The following DCC variants were observed in gnomAD, a reference collection of about 807,000 sequenced individuals.
DCC encodes the protein DCC netrin 1 receptor, also known as netrin receptor DCC.
DCC carries 58 observed loss-of-function variants against 172.5 expected under a neutral mutation model. The observed-to-expected ratio is 0.34, with a 90% CI of 0.27 to 0.42. DCC has a LOEUF of 0.42. DCC is among the 10% of genes least tolerant of loss of function. The pLI is 1.00. For missense variants in DCC, 1,740 were observed against 1,791.0 expected, an observed-to-expected ratio of 0.97 and a Z score of 0.51; for synonymous variants, 709 against 644.5, an observed-to-expected ratio of 1.10 and a Z score of -1.52.
chr18:52,421,987 T>C (rs890357348), intron 1 of DCC, among the ~76,000 whole-genome samples: 3 of 152,188 alleles, frequency 2.0e-5, no homozygotes, highest in Admixed American at 1.3e-4. Context: ...TTCTGAAGTA[T>C]CTTCTTCTCA....
intron 5 of DCC, among the ~76,000 whole-genome samples, chr18:53,047,238 A>G (rs1407031067): frequency 1.9e-4 from 1 of 5,262 alleles, no homozygotes; most frequent in Non-Finnish European, 4.8e-4. Context: ...CAGGTAGGAT[A>G]TATATATATA....
At chr18:52,928,461 A>C (rs143155579) in intron 5 of DCC, among the ~76,000 whole-genome samples, 25 of 152,330 alleles carry the variant, frequency 1.6e-4, no homozygotes, top group Non-Finnish European at 2.9e-4. Flanking sequence ...TTGACAACAT[A>C]AATTAACGTA....
In DCC at chr18:52,481,122, C is replaced by T. The variant is rs901699866; in HGVS notation, c.91+140244C>T. Among the ~76,000 whole-genome samples the T allele has an allele frequency of 2.0e-5, 3 of 152,248 alleles. No individual in the cohort carries two copies. The South Asian group carries it at 6.2e-4, about 32-fold the overall frequency. ...GGCACAACTAAAGAAAGCAAACATA[C>T]TTATTGAGGTTTAAATATTTTACTT... On this transcript the variant is annotated intron_variant, in intron 1 of 28. Transcript: ENST00000442544.
intron 5 of DCC, among the ~76,000 whole-genome samples, chr18:52,929,310 C>T (rs1184926303): frequency 6.6e-6 from 1 of 152,030 alleles, no homozygotes; most frequent in African/African-American, 2.4e-5. Flanking sequence ...TACTGTCTGC[C>T]CTGTCTGCTC....
intron 11 of DCC, among the ~76,000 whole-genome samples, chr18:53,211,433 T>G (rs972372666): frequency 6.6e-6 from 1 of 152,128 alleles, no homozygotes; most frequent in East Asian, 1.9e-4. Context: ...TAATTAAATA[T>G]GAATTACTGG....
At position 53,462,685 on chromosome 18, in the gene DCC, G is replaced by T. The variant is rs189273894; in HGVS notation, c.3619+3227G>T. On this transcript the variant is annotated intron_variant, in intron 24 of 28. Coordinates refer to ENST00000442544, the MANE Select transcript of DCC (RefSeq NM_005215.4). ...TGAAAAAATTTTCTTCCATGAAACTGGTCCGTGGTGCCAAAAAGGTTGGGA... is the reference window on the plus strand; with the variant it reads ...TGAAAAAATTTTCTTCCATGAAACTTGTCCGTGGTGCCAAAAAGGTTGGGA... 6.2e-4 allele frequency among the ~76,000 whole-genome samples: 94 copies of T among 152,180 alleles called. 2 individuals are homozygous for T. Among genetic ancestry groups the T allele is most frequent in the Admixed American group, 5.6e-3 (86 of 15,270 alleles).
chr18:53,102,896 T>A (rs1227860459), intron 7 of DCC, among the ~76,000 whole-genome samples: 4 of 152,242 alleles, frequency 2.6e-5, no homozygotes, highest in Non-Finnish European at 5.9e-5. Flanking sequence ...CACCCCCAAG[T>A]TATCAGTGTA....
intron 10 of DCC, among the ~76,000 whole-genome samples, chr18:53,207,027 AC>A (rs1365461469): frequency 2.3e-5 from 3 of 130,244 alleles, no homozygotes; most frequent in Non-Finnish European, 3.7e-5. Context: ...TGTTTTTTCA[AC>A]TTTCTGTTTT....
intron 15 of DCC, among the ~76,000 whole-genome samples, chr18:53,376,752 A>G (rs1355344489): frequency 2.0e-5 from 3 of 152,172 alleles, no homozygotes; most frequent in Non-Finnish European, 1.5e-5. Flanking sequence ...TCTTCCCTAT[A>G]TCAAATATGA....
At chr18:53,105,333 A>G (rs546591923) in intron 7 of DCC, among the ~76,000 whole-genome samples, 1 of 152,068 alleles carries the variant, frequency 6.6e-6, no homozygotes, top group Admixed American at 6.6e-5. Flanking sequence ...AAAATGTACA[A>G]GGGCCACAAG....
intron 2 of DCC, among the ~76,000 whole-genome samples, chr18:52,859,755 G>A (rs2039110560): frequency 6.6e-6 from 1 of 152,104 alleles, no homozygotes; most frequent in African/African-American, 2.4e-5. Flanking sequence ...CCTCTGAACA[G>A]CCATCTCAAA....
chr18:52,575,375 CAGAA>C (rs1452704039), intron 1 of DCC, among the ~76,000 whole-genome samples: 2 of 152,152 alleles, frequency 1.3e-5, no homozygotes, highest in Non-Finnish European at 2.9e-5. Flanking sequence ...GCGTTATACT[CAGAA>C]AGATAGATGG....
chr18:53,063,616 A>G, intron 6 of DCC, 157 bp downstream of exon 6: 3 of 630,472 alleles, frequency 4.8e-6, no homozygotes, highest in Non-Finnish European at 5.5e-6. Context: ...TTTTCTAGAC[A>G]TAAGAATATT....
intron 27 of DCC, among the ~76,000 whole-genome samples, chr18:53,503,658 T>C (rs144593622): frequency 1.5e-3 from 223 of 152,326 alleles, no homozygotes; most frequent in African/African-American, 5.1e-3. Flanking sequence ...TTAAAATTCC[T>C]TTTAGTGATC....
At position 53,448,279 on chromosome 18, in the gene DCC, C is replaced by T. The variant is rs981495272; in HGVS notation, c.3230-2221C>T. Among the ~76,000 whole-genome samples, 8 of 152,140 alleles carry T rather than the reference C, an allele frequency of 5.3e-5. No individual in the cohort carries two copies. The East Asian group carries it at 5.8e-4, about 11-fold the overall frequency. On this transcript the variant is annotated intron_variant, in intron 22 of 28. Transcript: ENST00000442544. The stretch of plus-strand genomic sequence containing the variant: ...GAGGTTTAATTGACTCACAGTTCAG[C>T]GTGGCTTGGGATGCTTCAGGAAACA...
intron 2 of DCC, among the ~76,000 whole-genome samples, chr18:52,842,479 C>T (rs953628385): frequency 2.6e-5 from 4 of 152,036 alleles, no homozygotes; most frequent in African/African-American, 9.7e-5. Flanking sequence ...CTATTAAGGC[C>T]CTTAATGGAT....
chr18:53,370,050 G>A (rs1420118777), intron 15 of DCC, among the ~76,000 whole-genome samples: 2 of 151,624 alleles, frequency 1.3e-5, no homozygotes, highest in Non-Finnish European at 3.0e-5. Flanking sequence ...TTTTTTTAAT[G>A]TTTGGTAGAA....
intron 5 of DCC, among the ~76,000 whole-genome samples, chr18:52,979,683 G>T (rs2041175624): frequency 6.6e-6 from 1 of 152,172 alleles, no homozygotes; most frequent in African/African-American, 2.4e-5. Flanking sequence ...AGGAGTCTGA[G>T]ATTGATTTGC....
At chr18:52,748,764 A>ACAGAACAT (rs2036948485) in intron 1 of DCC, among the ~76,000 whole-genome samples, 1 of 152,212 alleles carries the variant, frequency 6.6e-6, no homozygotes, top group African/African-American at 2.4e-5. Context: ...TTACTGAGTG[A>ACAGAACAT]CAGAACATCT....
Sources: allele counts gnomAD v4.1 joint callset (sites outside exome capture counted in the v4.1 genomes callset), GRCh38; gene constraint gnomAD v4.1.1; transcripts MANE v1.5; gene names NCBI Gene and HGNC (gene_info 2026-07-23, HGNC 2026-07-21).